Variants in TBC1D14 observed in about 807,000 individuals in gnomAD.
The protein encoded by TBC1D14 is TBC1 domain family, member 14.
Under a neutral mutation model 79.0 loss-of-function variants are expected in TBC1D14, and 26 were observed. That is an observed-to-expected ratio of 0.33 (90% CI 0.24 to 0.46). The LOEUF (loss-of-function observed/expected upper bound fraction) is 0.46. Ranked by LOEUF, TBC1D14 falls within the 20% of genes least tolerant of loss-of-function variation. The probability of loss-of-function intolerance (pLI) is 1.00; values close to 1 mark genes in which losing one functional copy is unlikely to be tolerated. For missense variants in TBC1D14, 769 were observed against 887.6 expected, an observed-to-expected ratio of 0.87 and a Z score of 1.70; for synonymous variants, 394 against 349.9, an observed-to-expected ratio of 1.13 and a Z score of -1.40.
At chr4:6,958,259 A>G (rs986059202) in intron 2 of TBC1D14, among the ~76,000 whole-genome samples, 3 of 119,060 alleles carry the variant, frequency 2.5e-5, no homozygotes, top group Admixed American at 1.9e-4. Flanking sequence ...CACCTTTCCA[A>G]CAGCCTCACC....
At chr4:6,949,597 C>T (rs926065895) in intron 2 of TBC1D14, among the ~76,000 whole-genome samples, 3 of 151,398 alleles carry the variant, frequency 2.0e-5, no homozygotes, top group Non-Finnish European at 4.4e-5. Flanking sequence ...GGAGGAGAAT[C>T]GCTTGAACCC....
intron 3 of TBC1D14, chr4:6,987,099 C>G (rs1487086435): frequency 7.1e-6 from 8 of 1,132,596 alleles, no homozygotes; most frequent in African/African-American, 1.6e-5. Context: ...TGTGCCCGCC[C>G]CTCGCCGCTC....
chr4:6,918,407 A>G (rs1404229342), intron 1 of TBC1D14, among the ~76,000 whole-genome samples: 1 of 152,198 alleles, frequency 6.6e-6, no homozygotes, highest in African/African-American at 2.4e-5. Flanking sequence ...TGTGGCTTAC[A>G]TTCGTGTTTT....
chr4:6,986,550 ATCTGCGGGGGGAGCC>A (rs1717845344), intron 3 of TBC1D14, among the ~76,000 whole-genome samples: 1 of 152,254 alleles, frequency 6.6e-6, no homozygotes, highest in East Asian at 1.9e-4. Context: ...ATCCCAGGAG[ATCTGCGGGGGGAGCC>A]TTGGGCTAGG....
At chr4:6,945,749 CAAAAAAAAAAAAAAAAAAAA>C (rs71173472) in intron 2 of TBC1D14, among the ~76,000 whole-genome samples, 2 of 64,134 alleles carry the variant, frequency 3.1e-5, no homozygotes, top group East Asian at 5.3e-4. Flanking sequence ...AACTGCGTCT[CAAAAAAAAAAAAAAAAAAAA>C]AAAAAAAAAA....
intron 3 of TBC1D14, among the ~76,000 whole-genome samples, chr4:6,971,054 C>T (rs1716182445): frequency 6.7e-6 from 1 of 150,360 alleles, no homozygotes. Context: ...GTCAGGTGTT[C>T]ACACTGGCCA....
intron 13 of TBC1D14, among the ~76,000 whole-genome samples, chr4:7,029,781 C>T (rs537950469): frequency 1.3e-5 from 2 of 152,244 alleles, no homozygotes; most frequent in East Asian, 1.9e-4. Context: ...GCCGAGATGG[C>T]GCCACTCCAC....
intron 2 of TBC1D14, among the ~76,000 whole-genome samples, chr4:6,938,913 C>G (rs1712609928): frequency 6.6e-6 from 1 of 152,292 alleles, no homozygotes; most frequent in South Asian, 2.1e-4. Context: ...GTATCCGTCC[C>G]GGCTGCAGGA....
intron 3 of TBC1D14, chr4:6,987,313 C>G: frequency 7.2e-7 from 1 of 1,396,152 alleles, no homozygotes; most frequent in South Asian, 1.5e-5. Flanking sequence ...GGGCATGGAG[C>G]CTCCGGCCGC....
intron 2 of TBC1D14, among the ~76,000 whole-genome samples, chr4:6,951,926 G>A (rs1173180437): frequency 6.6e-6 from 1 of 152,142 alleles, no homozygotes; most frequent in Non-Finnish European, 1.5e-5. Flanking sequence ...GGAGAGGCAT[G>A]GGAACACGAG....
At chr4:6,949,068 G>A (rs1713766816) in intron 2 of TBC1D14, among the ~76,000 whole-genome samples, 1 of 151,836 alleles carries the variant, frequency 6.6e-6, no homozygotes, top group Non-Finnish European at 1.5e-5. Flanking sequence ...AAGCTATTTG[G>A]GAGGCTGAGG....
chr4:6,960,707 C>T (rs1715112601), intron 2 of TBC1D14, among the ~76,000 whole-genome samples: 1 of 152,212 alleles, frequency 6.6e-6, no homozygotes. Context: ...TGTCCAGTGG[C>T]TCCTGTATGG....
intron 13 of TBC1D14, among the ~76,000 whole-genome samples, chr4:7,026,900 A>AAAAC (rs896900784): frequency 3.9e-5 from 6 of 152,104 alleles, no homozygotes; most frequent in African/African-American, 9.7e-5. Context: ...CTGTCTTAAA[A>AAAAC]AAACAAACAA....
chr4:6,924,345 G>A (rs1577465241), intron 2 of TBC1D14, among the ~76,000 whole-genome samples: 1 of 152,266 alleles, frequency 6.6e-6, no homozygotes, highest in East Asian at 1.9e-4. Flanking sequence ...TCACATCTCT[G>A]CCTCTGACCT....
Position 6,923,645 on chromosome 4 carries a change from G to A in TBC1D14, c.256G>A (p.Val86Met), listed in dbSNP as rs570309392. 3.7e-6 allele frequency: 6 copies of A among 1,613,964 alleles called. No homozygotes were observed. Among genetic ancestry groups the A allele is most frequent in the Middle Eastern group, 1.6e-4 (1 of 6,062 alleles). Residue 86 changes from valine (V) to methionine (M), a missense_variant, in exon 2 of 14, where the codon GTG becomes ATG. Val to Met is a conservative substitution (Grantham distance 21). Coordinates refer to ENST00000409757, the MANE Select transcript of TBC1D14 (RefSeq NM_020773.3). ...GCCTGTACCCTGCAGCGCGGTCCAC[G>A]TGAGGAGGAAGCAGTCCGACTCCGA... ...PEPVPCSAVH[V>M]RRKQSDSDLI...
intron 1 of TBC1D14, among the ~76,000 whole-genome samples, chr4:6,921,896 C>A (rs912409410): frequency 1.3e-5 from 2 of 151,962 alleles, no homozygotes; most frequent in African/African-American, 4.8e-5. Context: ...GGGGTTTCAC[C>A]ATGTTGGCCA....
At chr4:6,931,551 G>T (rs1332613892) in intron 2 of TBC1D14, among the ~76,000 whole-genome samples, 1 of 152,176 alleles carries the variant, frequency 6.6e-6, no homozygotes, top group Non-Finnish European at 1.5e-5. Flanking sequence ...ACACACAGGA[G>T]GTTGTCTGGT....
At chr4:7,024,911 G>A in intron 12 of TBC1D14, 93 bp from the exon 13 acceptor site, 5 of 1,538,418 alleles carry the variant, frequency 3.3e-6, no homozygotes, top group Non-Finnish European at 4.4e-6. Context: ...AGTGACTAGG[G>A]GAGTGTTTTT....
chr4:6,955,379 T>C (rs1714529556), intron 2 of TBC1D14, among the ~76,000 whole-genome samples: 1 of 152,188 alleles, frequency 6.6e-6, no homozygotes, highest in Non-Finnish European at 1.5e-5. Context: ...CGGTGTCCTG[T>C]CCGTACGGTG....
Sources: allele counts gnomAD v4.1 joint callset (sites outside exome capture counted in the v4.1 genomes callset), GRCh38; gene constraint gnomAD v4.1.1; transcripts MANE v1.5; gene names NCBI Gene and HGNC (gene_info 2026-07-23, HGNC 2026-07-21).